Variants in PDE1A observed in about 807,000 individuals in gnomAD.
PDE1A encodes the protein phosphodiesterase 1A.
In PDE1A, 35 loss-of-function variants were observed where a neutral mutation model predicts 61.7. That is an observed-to-expected ratio of 0.57 (90% CI 0.43 to 0.75). The LOEUF (loss-of-function observed/expected upper bound fraction) is 0.75, where lower values mean the gene tolerates loss of function less well. Ranked by LOEUF, PDE1A falls within the 30% of genes least tolerant of loss-of-function variation. PDE1A has a pLI of 0.00. For synonymous variants in PDE1A, 232 were observed against 213.2 expected (o/e 1.09, Z -0.77); for missense variants, 597 against 630.6 (o/e 0.95, Z 0.57).
At chr2:182,471,567 T>G (rs767716277) in intron 2 of PDE1A, among the ~76,000 whole-genome samples, 1 of 151,810 alleles carries the variant, frequency 6.6e-6, no homozygotes, top group Non-Finnish European at 1.5e-5. Flanking sequence ...TTTTACCTAT[T>G]AAGATGCTAT....
chr2:182,325,203 T>A (rs1035771112), intron 1 of PDE1A, among the ~76,000 whole-genome samples: 1 of 152,202 alleles, frequency 6.6e-6, no homozygotes, highest in Non-Finnish European at 1.5e-5. Flanking sequence ...ATGGAAAATA[T>A]AGACTTGTTG....
At chr2:182,285,382 C>T (rs74827290) in intron 1 of PDE1A, among the ~76,000 whole-genome samples, 103 of 152,060 alleles carry the variant, frequency 6.8e-4, no homozygotes, top group African/African-American at 2.0e-3. Flanking sequence ...ATGCATGAAC[C>T]GACCCTTATT....
At chr2:182,638,437 G>A in the PDE1A span, among the ~76,000 whole-genome samples, 1 of 152,162 alleles carries the variant, frequency 6.6e-6, no homozygotes, top group African/African-American at 2.4e-5. Flanking sequence ...TCAGGAGACA[G>A]AGGCAGGAGA....
At chr2:182,295,057 C>CCT (rs1694784980) in intron 1 of PDE1A, among the ~76,000 whole-genome samples, 2 of 59,350 alleles carry the variant, frequency 3.4e-5, no homozygotes, top group Admixed American at 6.2e-4. Flanking sequence ...AAAAGGTAAT[C>CCT]TTTTTTTTTT....
At chr2:182,595,467 C>T in the PDE1A span, among the ~76,000 whole-genome samples, 1 of 152,150 alleles carries the variant, frequency 6.6e-6, no homozygotes, top group Non-Finnish European at 1.5e-5. Flanking sequence ...TAACATTACA[C>T]GTCACATTAA....
chr2:182,191,909 G>A (rs1210158084), intron 10 of PDE1A, among the ~76,000 whole-genome samples: 1 of 151,196 alleles, frequency 6.6e-6, no homozygotes, highest in East Asian at 1.9e-4. Flanking sequence ...AGGCTGGAGT[G>A]CAATGGCGCA....
At chr2:182,539,432 G>C in the PDE1A span, among the ~76,000 whole-genome samples, 9 of 152,036 alleles carry the variant, frequency 5.9e-5, no homozygotes, top group Non-Finnish European at 1.2e-4. Flanking sequence ...AGACAGCCCA[G>C]GATTTATAAA....
upstream of PDE1A, chr2:182,427,107 T>A: frequency 1.4e-6 from 1 of 716,836 alleles, no homozygotes; most frequent in Non-Finnish European, 1.7e-6. Flanking sequence ...ATAAAAGTTG[T>A]ACAGCTGGTT....
the PDE1A span, among the ~76,000 whole-genome samples, chr2:182,707,543 G>C: frequency 6.9e-6 from 1 of 145,520 alleles, no homozygotes; most frequent in Admixed American, 7.0e-5. Flanking sequence ...AGATGAAATA[G>C]ACAAATTTCT....
At chr2:182,553,846 T>C in the PDE1A span, among the ~76,000 whole-genome samples, 59 of 152,328 alleles carry the variant, frequency 3.9e-4, no homozygotes, top group African/African-American at 1.3e-3. Flanking sequence ...GTTATGTATA[T>C]CTCTATAACA....
At chr2:182,267,268 T>C (rs765417181) in intron 1 of PDE1A, among the ~76,000 whole-genome samples, 2 of 152,148 alleles carry the variant, frequency 1.3e-5, no homozygotes, top group African/African-American at 2.4e-5. Context: ...CAAAATATTA[T>C]GAATTATGTC....
At chr2:182,695,686 GAAAAA>G in the PDE1A span, among the ~76,000 whole-genome samples, 1 of 50,926 alleles carries the variant, frequency 2.0e-5, no homozygotes, top group Non-Finnish European at 4.9e-5. Flanking sequence ...AAAAAAAAAA[GAAAAA>G]GAAAAAGAAA....
At chr2:182,584,883 C>A in the PDE1A span, among the ~76,000 whole-genome samples, 1 of 152,148 alleles carries the variant, frequency 6.6e-6, no homozygotes, top group African/African-American at 2.4e-5. Context: ...AGAACAGACT[C>A]AATCCACTGT....
At chr2:182,411,472 A>G (rs184229307) in intron 1 of PDE1A, among the ~76,000 whole-genome samples, 18 of 152,270 alleles carry the variant, frequency 1.2e-4, no homozygotes, top group Admixed American at 5.2e-4. Flanking sequence ...ACATGCTTGT[A>G]CAGGTCTTTG....
At chr2:182,572,228 TG>T in the PDE1A span, among the ~76,000 whole-genome samples, 1 of 152,258 alleles carries the variant, frequency 6.6e-6, no homozygotes, top group South Asian at 2.1e-4. Flanking sequence ...TTGCATGAAC[TG>T]GTGAGGTAGA....
chr2:182,483,405 C>T (rs1409566935), intron 2 of PDE1A, among the ~76,000 whole-genome samples: 1 of 151,786 alleles, frequency 6.6e-6, no homozygotes, highest in Non-Finnish European at 1.5e-5. Context: ...ATATGCTAAA[C>T]CAAAGAATAC....
intron 2 of PDE1A, among the ~76,000 whole-genome samples, chr2:182,519,531 AAG>A (rs1280257360): frequency 1.3e-5 from 2 of 151,962 alleles, no homozygotes; most frequent in Non-Finnish European, 2.9e-5. Context: ...ACAAAAGAAA[AAG>A]AGATTTCTTG....
At chr2:182,191,244 T>G (rs1005122063) in intron 10 of PDE1A, among the ~76,000 whole-genome samples, 2 of 152,004 alleles carry the variant, frequency 1.3e-5, no homozygotes, top group African/African-American at 4.8e-5. Context: ...TGGCTTCCAG[T>G]GCGAATGGAA....
intron 2 of PDE1A, among the ~76,000 whole-genome samples, chr2:182,481,352 G>T (rs1341512362): frequency 2.0e-5 from 3 of 151,822 alleles, no homozygotes; most frequent in African/African-American, 7.3e-5. Flanking sequence ...TCCCTGTCAT[G>T]GAACCTGTGC....
Sources: allele counts gnomAD v4.1 joint callset (sites outside exome capture counted in the v4.1 genomes callset), GRCh38; gene constraint gnomAD v4.1.1; transcripts MANE v1.5; gene names NCBI Gene and HGNC (gene_info 2026-07-23, HGNC 2026-07-21).